The following ZNF878 variants were observed in gnomAD, a reference collection of about 807,000 sequenced individuals.
The protein encoded by ZNF878 is zinc finger protein 878.
A neutral mutation model predicts 11.1 loss-of-function variants in ZNF878; 10 were observed. The ratio of observed to expected loss-of-function variants is 0.90; its 90% CI spans 0.56 to 1.53. The LOEUF is 1.53. Ranked by LOEUF, ZNF878 falls within the 40% of genes most tolerant of loss-of-function variation. The pLI is 0.00. For synonymous variants in ZNF878, 165 were observed against 209.7 expected (o/e 0.79, Z 1.84); for missense variants, 548 against 626.1 (o/e 0.88, Z 1.33).
chr19:12,047,786 T>C (rs765800283), intron 1 of ZNF878, among the ~76,000 whole-genome samples: 7 of 152,106 alleles, frequency 4.6e-5, no homozygotes, highest in Admixed American at 6.6e-5. Context: ...GATGAAACCC[T>C]GTCTCTACTA....
intron 3 of ZNF878, among the ~76,000 whole-genome samples, chr19:12,045,830 G>A (rs907136656): frequency 2.0e-5 from 3 of 151,766 alleles, no homozygotes; most frequent in African/African-American, 7.3e-5. Flanking sequence ...AGGTTCAAGC[G>A]ATTCTCCTGC....
rs763882048 is a variant in ZNF878, at chr19:12,044,381, T to A, written c.1020A>T (p.Glu340Asp). Residue 340 changes from glutamate to aspartate, a missense_variant, in exon 4 of 4, where the codon GAA becomes GAT. Around this residue, in one of 3 missense-constraint regions of ZNF878, gnomAD observed 335 missense variants for 358.2 expected, o/e 0.94. Coordinates refer to ENST00000547628, the MANE Select transcript of ZNF878 (RefSeq NM_001080404.3). ...TGAAGGCTTTCACACATTTTTTACA[T>A]TCATAAGGTTTCTCTCCAGTGTGAG... ...EKTHTGEKPYECKKCVKAFSF... is the reference protein window; with the variant it reads ...EKTHTGEKPYDCKKCVKAFSF... The A allele has an allele frequency of 3.1e-6, 5 of 1,613,198 alleles. No homozygotes were observed. Among genetic ancestry groups the A allele is most frequent in the Admixed American group, 3.3e-5 (2 of 59,898 alleles).
chr19:12,044,410 T>C lies in ZNF878; in HGVS notation c.991A>G (p.Lys331Glu). The change falls in exon 4 of 4, where the codon AAG becomes GAG. Residue 331 changes from lysine to glutamate, a missense_variant. Around this residue, in one of 3 missense-constraint regions of ZNF878, gnomAD observed 335 missense variants for 358.2 expected, o/e 0.94. Transcript: ENST00000547628. ...ISSTSFRYHEKTHTGEKPYEC... is the reference protein window; with the variant it reads ...ISSTSFRYHEETHTGEKPYEC... ...TAAGGTTTCTCTCCAGTGTGAGTCTTTTCATGATAGCGAAAGGAAGTGGAA... is the reference window on the plus strand; with the variant it reads ...TAAGGTTTCTCTCCAGTGTGAGTCTCTTCATGATAGCGAAAGGAAGTGGAA... The C allele has an allele frequency of 6.2e-7, 1 of 1,613,948 alleles. No homozygotes were observed.
chr19:12,046,513 G>T, intron 2 of ZNF878, 85 bp from the exon 3 acceptor site: 10 of 1,552,094 alleles, frequency 6.4e-6, no homozygotes, highest in Non-Finnish European at 8.8e-6. Context: ...ATGGCTCATT[G>T]CACCTGTGTC....
At chr19:12,051,095 CAAAAAAAAA>C (rs370628123) in intron 1 of ZNF878, among the ~76,000 whole-genome samples, 1 of 37,188 alleles carries the variant, frequency 2.7e-5, no homozygotes, top group East Asian at 7.5e-4. Flanking sequence ...GACTCCGTCT[CAAAAAAAAA>C]AAAAAAAAAA....
chr19:12,052,746 G>T (rs926446498), intron 1 of ZNF878, 53 bp downstream of exon 1: 3 of 1,534,612 alleles, frequency 2.0e-6, no homozygotes, highest in Non-Finnish European at 2.6e-6. Flanking sequence ...GTTCCTCTCG[G>T]TTCCACCCAG....
chr19:12,051,270 T>C (rs10404023), intron 1 of ZNF878, among the ~76,000 whole-genome samples: 24,310 of 151,280 alleles, frequency 0.16, 4,722 homozygotes, highest in African/African-American at 0.47. Context: ...TGCACTCCAG[T>C]CTCGGCAACA....
intron 3 of ZNF878, among the ~76,000 whole-genome samples, chr19:12,045,588 A>G (rs1975469983): frequency 6.6e-6 from 1 of 151,666 alleles, no homozygotes; most frequent in Admixed American, 6.6e-5. Flanking sequence ...CAGAGCTTAC[A>G]GTGAGCCGAG....
At chr19:12,046,602 T>G in intron 2 of ZNF878, 32 bp downstream of exon 2, 1 of 1,613,428 alleles carries the variant, frequency 6.2e-7, no homozygotes, top group Non-Finnish European at 8.5e-7. Flanking sequence ...TGTTCTTTAA[T>G]TCACTGAGGG....
In ZNF878 at chr19:12,044,766, A is replaced by G; in HGVS notation, c.635T>C (p.Val212Ala). Reference protein sequence around the residue: ...KQCGKALSYLVSFQTHMRMHT... With the variant: ...KQCGKALSYLASFQTHMRMHT... ...CATTCTCATGTGTGTCTGAAAGCTT[A>G]CAAGATAAGATAATGCTTTCCCACA... The change falls in exon 4 of 4, where the codon GTA (valine) becomes GCA (alanine). Residue 212 changes from valine to alanine, a missense_variant. Around this residue, in one of 3 missense-constraint regions of ZNF878, gnomAD observed 53 missense variants for 94.6 expected, o/e 0.56. Coordinates refer to ENST00000547628, the MANE Select transcript of ZNF878 (RefSeq NM_001080404.3). 6.2e-7 allele frequency: 1 copy of G among 1,614,190 alleles called. No homozygotes were observed. The highest frequency in any genetic ancestry group is 8.5e-7 in the Non-Finnish European group (1 of 1,180,034).
At chr19:12,048,285 G>A (rs566280159) in intron 1 of ZNF878, among the ~76,000 whole-genome samples, 9 of 151,770 alleles carry the variant, frequency 5.9e-5, no homozygotes, top group African/African-American at 1.4e-4. Context: ...TTGGGAGGCC[G>A]AGGCGGGTGG....
chr19:12,043,802 T>A, downstream of ZNF878: 13 of 1,589,758 alleles, frequency 8.2e-6, no homozygotes, highest in Non-Finnish European at 1.0e-5. Context: ...ATCCATAGAG[T>A]TTCTAGCCAG....
chr19:12,050,203 C>A (rs1002763096), intron 1 of ZNF878, among the ~76,000 whole-genome samples: 6 of 152,056 alleles, frequency 3.9e-5, no homozygotes, highest in Middle Eastern at 6.8e-3. Flanking sequence ...CCAGCCTGGG[C>A]GACAGAAAGA....
At chr19:12,050,815 C>CCGCGCGCGGTGGCTCACGCCTG (rs1190397781) in intron 1 of ZNF878, among the ~76,000 whole-genome samples, 2 of 152,142 alleles carry the variant, frequency 1.3e-5, no homozygotes, top group East Asian at 1.9e-4. Flanking sequence ...TGAAAACCGG[C>CCGCGCGCGGTGGCTCACGCCTG]CGCGCGCGGT....
chr19:12,045,103 G>T lies in ZNF878; in HGVS notation c.298C>A (p.Gln100Lys). 1.2e-6 allele frequency: 2 copies of T among 1,613,358 alleles called. No homozygotes were observed. Among genetic ancestry groups the T allele is most frequent in the Non-Finnish European group, 1.7e-6 (2 of 1,179,614 alleles). ...CCACACACACTGCTTTCATATGATT[G>T]TACTCCAGGAGTTTTCTTCTTCAGT... ...DTLKKKTPGV[Q>K]SYESSVCGEI... Residue 100 changes from glutamine to lysine, a missense_variant, in exon 4 of 4, where the codon CAA (glutamine) becomes AAA (lysine). Around this residue, in one of 3 missense-constraint regions of ZNF878, gnomAD observed 160 missense variants for 173.3 expected, o/e 0.92. Coordinates refer to ENST00000547628, the MANE Select transcript of ZNF878 (RefSeq NM_001080404.3).
In ZNF878 at chr19:12,044,116, C is replaced by T. The variant is rs907561904; in HGVS notation, c.1285G>A (p.Gly429Ser). Residue 429 changes from glycine (G) to serine (S), a missense_variant, in exon 4 of 4, where the codon GGT (glycine) becomes AGT (serine). By Grantham distance (56) the Gly-to-Ser change is moderately conservative. Coordinates refer to ENST00000547628, the MANE Select transcript of ZNF878 (RefSeq NM_001080404.3). Reference protein sequence around the residue: ...GEKPYGCKQCGKVFRVASQLK... With the variant: ...GEKPYGCKQCSKVFRVASQLK... The stretch of plus-strand genomic sequence containing the variant: ...TGTGAGGCAACTCTAAAGACTTTAC[C>T]ACATTGCTTACATCCATAGGGTTTC... The T allele has an allele frequency of 3.7e-6, 6 of 1,613,658 alleles. No individual in the cohort carries two copies. The highest frequency in any genetic ancestry group is 5.1e-6 in the Non-Finnish European group (6 of 1,179,940).
At chr19:12,049,139 CAAAA>C (rs1291167469) in intron 1 of ZNF878, among the ~76,000 whole-genome samples, 2 of 68,544 alleles carry the variant, frequency 2.9e-5, no homozygotes, top group Admixed American at 1.7e-4. Context: ...AGCTCCGTCT[CAAAA>C]AAAAAAAAAA....
At chr19:12,046,339 C>T (rs751188634) in intron 3 of ZNF878, 29 bp downstream of exon 3, 2 of 1,479,814 alleles carry the variant, frequency 1.4e-6, no homozygotes, top group East Asian at 4.8e-5. Context: ...TATACAGAGA[C>T]ATTGTTTTCT....
chr19:12,046,276 G>C, intron 3 of ZNF878, 92 bp downstream of exon 3: 1 of 952,362 alleles, frequency 1.1e-6, no homozygotes, highest in South Asian at 1.7e-5. Flanking sequence ...ATTGGAACTA[G>C]GTTTGTTTCT....
Sources: allele counts gnomAD v4.1 joint callset (sites outside exome capture counted in the v4.1 genomes callset), GRCh38; gene constraint gnomAD v4.1.1; regional missense constraint gnomAD v4.1.1; transcripts MANE v1.5; gene names NCBI Gene and HGNC (gene_info 2026-07-23, HGNC 2026-07-21).